Variants in ADK observed in about 807,000 individuals in gnomAD.
The protein encoded by ADK is adenosine kinase.
Under a neutral mutation model 44.7 loss-of-function variants are expected in ADK, and 24 were observed. That is an observed-to-expected ratio of 0.54 (90% CI 0.39 to 0.76). ADK has a LOEUF of 0.76. ADK is among the 30% of genes least tolerant of loss of function. The pLI is 0.00. For synonymous variants in ADK, 128 were observed against 142.6 expected (o/e 0.90, Z 0.73); for missense variants, 321 against 425.1 (o/e 0.76, Z 2.15).
chr10:74,683,406 A>C (rs7100311), intron 10 of ADK, among the ~76,000 whole-genome samples: 1 of 152,214 alleles, frequency 6.6e-6, no homozygotes, highest in African/African-American at 2.4e-5. Flanking sequence ...TGAATGTACA[A>C]CATCAGTCTT....
intron 6 of ADK, among the ~76,000 whole-genome samples, chr10:74,512,144 A>G (rs1848358281): frequency 6.6e-6 from 1 of 152,126 alleles, no homozygotes; most frequent in Non-Finnish European, 1.5e-5. Flanking sequence ...CATTCTTGGG[A>G]TAATCCTCAC....
At chr10:74,605,039 CTGTT>C (rs755076234) in intron 9 of ADK, among the ~76,000 whole-genome samples, 19 of 152,098 alleles carry the variant, frequency 1.2e-4, no homozygotes, top group South Asian at 6.2e-4. Context: ...ATTTGGCTCT[CTGTT>C]TGTCTATTAT....
intron 1 of ADK, among the ~76,000 whole-genome samples, chr10:74,153,336 G>A (rs1034041285): frequency 1.7e-4 from 26 of 152,138 alleles, no homozygotes; most frequent in African/African-American, 5.8e-4. Flanking sequence ...GGAATTCAGG[G>A]GTGCTGCTAA....
intron 1 of ADK, among the ~76,000 whole-genome samples, chr10:74,167,819 T>G (rs1842069564): frequency 6.6e-6 from 1 of 152,232 alleles, no homozygotes; most frequent in Admixed American, 6.5e-5. Flanking sequence ...TGTAAAATAA[T>G]TTAGAAAAAC....
At chr10:74,630,118 G>A (rs1213966140) in intron 9 of ADK, among the ~76,000 whole-genome samples, 1 of 152,024 alleles carries the variant, frequency 6.6e-6, no homozygotes, top group Non-Finnish European at 1.5e-5. Flanking sequence ...TGTAAAAATA[G>A]TAGATATTTT....
At chr10:74,363,645 G>A (rs1044374864) in intron 4 of ADK, among the ~76,000 whole-genome samples, 4 of 152,010 alleles carry the variant, frequency 2.6e-5, no homozygotes, top group African/African-American at 9.7e-5. Context: ...ATAGTTTCCT[G>A]GTTGCAGCAG....
intron 6 of ADK, among the ~76,000 whole-genome samples, chr10:74,422,238 C>T (rs1008137993): frequency 6.6e-6 from 1 of 152,212 alleles, no homozygotes; most frequent in African/African-American, 2.4e-5. Flanking sequence ...TCAATCTAAT[C>T]ATTAGGAAAA....
Position 74,167,776 on chromosome 10 carries a change from G to A in ADK, c.65+16433G>A, listed in dbSNP as rs1322340280. 3.3e-5 allele frequency among the ~76,000 whole-genome samples: 5 copies of A among 152,300 alleles called. No individual in the cohort carries two copies. The East Asian group carries it at 9.6e-4, about 29-fold the overall frequency. On this transcript the variant is annotated intron_variant, in intron 1 of 10. Transcript: ENST00000539909. ...GGGAACATAGACTTCTTGTCTCTAA[G>A]ATATTGTTCCCATTTTAAGTCTGCC...
At chr10:74,510,642 A>C (rs190496182) in intron 6 of ADK, among the ~76,000 whole-genome samples, 1 of 152,274 alleles carries the variant, frequency 6.6e-6, no homozygotes, top group Admixed American at 6.5e-5. Flanking sequence ...TTTCCAGATC[A>C]ATGTCCTAAA....
intron 6 of ADK, among the ~76,000 whole-genome samples, chr10:74,456,538 G>A (rs1275242991): frequency 6.6e-6 from 1 of 151,730 alleles, no homozygotes; most frequent in African/African-American, 2.4e-5. Context: ...GTGATGGCGG[G>A]TGCCTGTAGT....
At chr10:74,574,985 G>T (rs2133872258) in intron 7 of ADK, among the ~76,000 whole-genome samples, 1 of 152,236 alleles carries the variant, frequency 6.6e-6, no homozygotes. Context: ...AACTAGGTGG[G>T]GGGGAAACAG....
At chr10:74,380,588 C>T (rs1842950423) in intron 4 of ADK, among the ~76,000 whole-genome samples, 1 of 152,036 alleles carries the variant, frequency 6.6e-6, no homozygotes, top group Admixed American at 6.5e-5. Flanking sequence ...AAAACCCCAT[C>T]TCTACTAAAA....
chr10:74,687,208 G>T (rs924726639), intron 10 of ADK, among the ~76,000 whole-genome samples: 1 of 152,214 alleles, frequency 6.6e-6, no homozygotes. Flanking sequence ...GATGGTGATT[G>T]TAGGTTCAAG....
At chr10:74,301,904 T>C (rs1209635446) in intron 3 of ADK, among the ~76,000 whole-genome samples, 1 of 152,064 alleles carries the variant, frequency 6.6e-6, no homozygotes, top group Non-Finnish European at 1.5e-5. Flanking sequence ...TTAGTTGTCT[T>C]CATAATGTAA....
intron 2 of ADK, among the ~76,000 whole-genome samples, chr10:74,224,257 T>G (rs2132243519): frequency 6.6e-6 from 1 of 152,350 alleles, no homozygotes; most frequent in East Asian, 1.9e-4. Context: ...TCCATCAGTT[T>G]TGAACTGCTG....
chr10:74,697,103 A>G (rs2134288330), intron 10 of ADK, among the ~76,000 whole-genome samples: 1 of 152,326 alleles, frequency 6.6e-6, no homozygotes, highest in African/African-American at 2.4e-5. Flanking sequence ...TAAACTCTAC[A>G]TAGGCATATG....
chr10:74,412,541 G>A (rs779780007), intron 6 of ADK, among the ~76,000 whole-genome samples: 1 of 152,140 alleles, frequency 6.6e-6, no homozygotes, highest in Non-Finnish European at 1.5e-5. Context: ...GGCAGCTATA[G>A]CCTTATGAAA....
chr10:74,355,674 A>G (rs939708723), intron 4 of ADK, among the ~76,000 whole-genome samples: 1 of 152,082 alleles, frequency 6.6e-6, no homozygotes, highest in Non-Finnish European at 1.5e-5. Context: ...ATTCAGGACC[A>G]TTTGCTTTTA....
At chr10:74,628,232 T>G (rs1853287265) in intron 9 of ADK, among the ~76,000 whole-genome samples, 1 of 152,148 alleles carries the variant, frequency 6.6e-6, no homozygotes, top group Non-Finnish European at 1.5e-5. Context: ...TCTTCTAGTT[T>G]TTCTAGGTTT....
Sources: gnomAD v4.1 joint callset for allele counts (sites outside exome capture counted in the v4.1 genomes callset) on GRCh38, gnomAD v4.1.1 for gene constraint, MANE v1.5 for transcripts, NCBI Gene and HGNC (gene_info 2026-07-23, HGNC 2026-07-21) for gene names.